Variants in DYNC2H1 observed in about 807,000 individuals in gnomAD.
DYNC2H1 encodes the protein cytoplasmic dynein 2 heavy chain 1.
Under a neutral mutation model 570.0 loss-of-function variants are expected in DYNC2H1, and 410 were observed. The observed-to-expected ratio is 0.72, with a 90% confidence interval of 0.66 to 0.78. The LOEUF (loss-of-function observed/expected upper bound fraction) is 0.78, where lower values mean the gene tolerates loss of function less well. DYNC2H1 is among the 30% of genes least tolerant of loss of function. The pLI, the probability that DYNC2H1 is intolerant of heterozygous loss-of-function variation, is 0.00. For missense variants in DYNC2H1, 4,865 were observed against 5,046.4 expected, an observed-to-expected ratio of 0.96 and a Z score of 1.09; for synonymous variants, 1,688 against 1,677.6, an observed-to-expected ratio of 1.01 and a Z score of -0.15.
At chr11:103,148,960 G>A (rs547396709) in intron 20 of DYNC2H1, among the ~76,000 whole-genome samples, 1 of 152,156 alleles carries the variant, frequency 6.6e-6, no homozygotes, top group South Asian at 2.1e-4. Context: ...AGGAGGCTGA[G>A]GCAGGAGAAT....
intron 17 of DYNC2H1, among the ~76,000 whole-genome samples, chr11:103,142,027 A>G (rs1859969639): frequency 6.6e-6 from 1 of 152,162 alleles, no homozygotes; most frequent in Non-Finnish European, 1.5e-5. Flanking sequence ...GCAGGATATA[A>G]TCTCCTGGTG....
Position 103,122,967 on chromosome 11 carries a change from A to C in DYNC2H1, c.1628A>C (p.Gln543Pro). Residue 543 changes from glutamine to proline, a missense_variant, in exon 11 of 89, where the codon CAA (glutamine) becomes CCA (proline). By Grantham distance (76) the Gln-to-Pro change is moderately conservative (BLOSUM62 -1). Coordinates refer to ENST00000375735, the MANE Select transcript of DYNC2H1 (RefSeq NM_001377.3). ...EQFDDWSRDIQSGLSDSRSGL... is the reference protein window; with the variant it reads ...EQFDDWSRDIPSGLSDSRSGL... ...TTTGATGATTGGTCCAGGGATATTCAATCAGGTTTATCTGATTCCAGATCT... is the reference window on the plus strand; with the variant it reads ...TTTGATGATTGGTCCAGGGATATTCCATCAGGTTTATCTGATTCCAGATCT... The C allele has an allele frequency of 1.3e-6, 2 of 1,582,536 alleles. No homozygotes were observed. The highest frequency in any genetic ancestry group is 1.7e-6 in the Non-Finnish European group (2 of 1,160,402).
chr11:103,177,466 A>T lies in DYNC2H1; in HGVS notation c.5875-90A>T. On this transcript the variant is annotated intron_variant, in intron 37 of 88. Transcript: ENST00000375735. This position sits in a 1 kb window ranked among gnomAD's most constrained non-coding sequence, Gnocchi z 4.4. ...ACTGAAGAAATCAAAGGCTTAATTT[A>T]CACATTAGAACAAGTGTTACAGAAT... 2 of 1,330,700 alleles carry T rather than the reference A, an allele frequency of 1.5e-6. No individual in the cohort carries two copies. Among genetic ancestry groups the T allele is most frequent in the Non-Finnish European group, 2.0e-6 (2 of 988,346 alleles). The allele number at this position is 1,330,700 out of a possible 1,614,324, so 82.4% of individuals were successfully genotyped here. A position where few individuals can be genotyped will look rare whatever the true frequency, so the allele number is the denominator to read the frequency against.
chr11:103,236,720 T>A (rs1365669387), intron 63 of DYNC2H1, among the ~76,000 whole-genome samples, 181 bp downstream of exon 63: 3 of 151,942 alleles, frequency 2.0e-5, no homozygotes, highest in Non-Finnish European at 4.4e-5. Context: ...CTGTATAATT[T>A]ATTTTTTACC....
chr11:103,442,968 CCTT>C (rs1365995690), intron 85 of DYNC2H1, among the ~76,000 whole-genome samples: 1 of 113,266 alleles, frequency 8.8e-6, no homozygotes, highest in Non-Finnish European at 1.8e-5. Context: ...ATTTATGAGC[CCTT>C]TTTTTTTTTT....
At chr11:103,332,525 C>A (rs765825755) in intron 82 of DYNC2H1, among the ~76,000 whole-genome samples, 1 of 151,986 alleles carries the variant, frequency 6.6e-6, no homozygotes, top group Non-Finnish European at 1.5e-5. Flanking sequence ...ACCCTAGCAG[C>A]GGGGTAGAGA....
At position 103,220,686 on chromosome 11, in the gene DYNC2H1, C is replaced by T. The variant is rs752449341; in HGVS notation, c.9010C>T (p.Arg3004Cys). 1.1e-5 allele frequency: 17 copies of T among 1,612,302 alleles called. No homozygotes were observed. The highest frequency in any genetic ancestry group is 2.2e-5 in the East Asian group (1 of 44,790). Residue 3004 changes from arginine to cysteine, a missense_variant, in exon 57 of 89, where the codon CGC becomes TGC. By Grantham distance (180) the Arg-to-Cys change is radical. Around this residue, in one of 5 missense-constraint regions of DYNC2H1, gnomAD observed 2,401 missense variants for 2,454.6 expected, o/e 0.98. Transcript: ENST00000375735. ...TAAGCCCGAATCACTTTCAGAAATT[C>T]GCTCACTACGCATGCCACCTGATGT... The part of the protein sequence containing the change: ...NIKPESLSEI[R>C]SLRMPPDVIR...
intron 83 of DYNC2H1, among the ~76,000 whole-genome samples, chr11:103,393,381 C>T (rs928138330): frequency 6.6e-6 from 1 of 152,136 alleles, no homozygotes; most frequent in Non-Finnish European, 1.5e-5. Context: ...CAGAATCATT[C>T]CTCAGGCCAA....
At chr11:103,444,078 AT>A (rs1428120097) in intron 85 of DYNC2H1, among the ~76,000 whole-genome samples, 2 of 151,464 alleles carry the variant, frequency 1.3e-5, no homozygotes, top group Admixed American at 1.3e-4. Flanking sequence ...CTTGATACAT[AT>A]ATTTTTGTAT....
chr11:103,169,220 A>G (rs1195481864), intron 32 of DYNC2H1, among the ~76,000 whole-genome samples: 1 of 152,156 alleles, frequency 6.6e-6, no homozygotes, highest in East Asian at 1.9e-4. Context: ...TTGCATTTAT[A>G]TACAATTTGA....
chr11:103,257,252 G>A (rs991365381), intron 68 of DYNC2H1, among the ~76,000 whole-genome samples: 2 of 152,106 alleles, frequency 1.3e-5, no homozygotes, highest in Admixed American at 1.3e-4. Flanking sequence ...AAGCTCTCAC[G>A]AGACACCAAA....
intron 31 of DYNC2H1, among the ~76,000 whole-genome samples, chr11:103,167,193 C>G (rs1339493009): frequency 1.3e-5 from 2 of 151,390 alleles, no homozygotes; most frequent in African/African-American, 4.9e-5. Context: ...TCTGTCTTTC[C>G]ACTTGTTTCA....
At chr11:103,147,170 C>G (rs966947140) in intron 18 of DYNC2H1, among the ~76,000 whole-genome samples, 2 of 152,082 alleles carry the variant, frequency 1.3e-5, no homozygotes, top group African/African-American at 4.8e-5. Context: ...AATTATTTGA[C>G]GTGTACATTG....
At chr11:103,257,774 C>G (rs199682376) in intron 69 of DYNC2H1, 23 bp downstream of exon 69, 107 of 1,528,478 alleles carry the variant, frequency 7.0e-5, no homozygotes, top group Non-Finnish European at 1.8e-6. Flanking sequence ...ATACCCTGTA[C>G]CAGAGACTGA....
chr11:103,463,335 T>G (rs1462105682), intron 87 of DYNC2H1, among the ~76,000 whole-genome samples: 1 of 152,200 alleles, frequency 6.6e-6, no homozygotes, highest in African/African-American at 2.4e-5. Flanking sequence ...AAGCATGGCT[T>G]TTTTAAAGTA....
Position 103,245,420 on chromosome 11 carries a change from C to G in DYNC2H1, c.10042+46C>G. ...AGAGTGTAAATATTTTTAAAATTTC[C>G]AAAGTAAGTAATTAAACCAGGTGCA... On this transcript the variant is annotated intron_variant, in intron 65 of 88. Coordinates refer to ENST00000375735, the MANE Select transcript of DYNC2H1 (RefSeq NM_001377.3). The surrounding 1 kb of genome is among the most constrained non-coding windows in gnomAD (Gnocchi z 4.5). The G allele has an allele frequency of 6.6e-7, 1 of 1,517,934 alleles. No homozygotes were observed. The highest frequency in any genetic ancestry group is 8.8e-7 in the Non-Finnish European group (1 of 1,134,360). 94.0% of individuals were successfully genotyped at this position (1,517,934 alleles called of 1,614,324 possible).
chr11:103,335,283 T>C (rs76648582), intron 82 of DYNC2H1, among the ~76,000 whole-genome samples: 2,307 of 152,198 alleles, frequency 0.015, 44 homozygotes, highest in African/African-American at 0.053. Flanking sequence ...GATAAACATA[T>C]ATTTCTAACC....
At chr11:103,115,422 G>A in intron 4 of DYNC2H1, 127 bp downstream of exon 4, 3 of 551,156 alleles carry the variant, frequency 5.4e-6, no homozygotes, top group Non-Finnish European at 9.3e-6. Flanking sequence ...TCTTTATATG[G>A]AGAAAACTTT....
At chr11:103,428,081 A>T (rs947487222) in intron 84 of DYNC2H1, among the ~76,000 whole-genome samples, 4 of 151,912 alleles carry the variant, frequency 2.6e-5, no homozygotes, top group African/African-American at 9.7e-5. Context: ...AATAACCTTT[A>T]ATCTGAGGAC....
Sources: allele counts gnomAD v4.1 joint callset (sites outside exome capture counted in the v4.1 genomes callset), GRCh38; gene constraint gnomAD v4.1.1; regional missense constraint gnomAD v4.1.1; non-coding constraint Gnocchi (gnomAD v3.1); transcripts MANE v1.5; gene names NCBI Gene and HGNC (gene_info 2026-07-23, HGNC 2026-07-21).